LRP2: variants seen among roughly 807,000 people sequenced by gnomAD.
LRP2 encodes low-density lipoprotein receptor-related protein 2.
A neutral mutation model predicts 531.0 loss-of-function variants in LRP2; 172 were observed. The observed-to-expected ratio is 0.32, with a 90% CI of 0.29 to 0.37. LRP2 has a LOEUF of 0.37. Ranked by LOEUF, LRP2 falls within the 10% of genes least tolerant of loss-of-function variation. LRP2 has a pLI of 1.00. For missense variants in LRP2, 5,167 were observed against 5,868.3 expected (o/e 0.88, Z 3.90); for synonymous variants, 1,992 against 2,027.6 (o/e 0.98, Z 0.47).
Position 169,132,561 on chromosome 2 carries a change from C to A in LRP2, c.13728+13G>T. On this transcript the variant is annotated intron_variant, in intron 77 of 78. Transcript: ENST00000649046. Reference sequence around the variant, plus strand: ...CCAAATCCCACATTATTTCAGGAGTCGGCAACTGTTACCTGAGTTCCATCA... The same window carrying A: ...CCAAATCCCACATTATTTCAGGAGTAGGCAACTGTTACCTGAGTTCCATCA... The A allele has an allele frequency of 6.7e-7, 1 of 1,491,988 alleles. No individual in the cohort carries two copies. Among genetic ancestry groups the A allele is most frequent in the South Asian group, 1.1e-5 (1 of 88,582 alleles). 92.4% of individuals were successfully genotyped at this position (1,491,988 alleles called of 1,614,324 possible). A position where few individuals can be genotyped will look rare whatever the true frequency, so the allele number is the denominator to read the frequency against.
intron 16 of LRP2, among the ~76,000 whole-genome samples, chr2:169,260,036 G>A (rs1690483704): frequency 6.6e-6 from 1 of 152,064 alleles, no homozygotes; most frequent in Non-Finnish European, 1.5e-5. Flanking sequence ...GGCAGAAACT[G>A]GACCAAGTAT....
At chr2:169,271,899 A>G (rs1324399790) in intron 15 of LRP2, 1 of 152,950 alleles carries the variant, frequency 6.5e-6, no homozygotes, top group African/African-American at 2.4e-5. Context: ...GTTTAACAGC[A>G]AAGAGGAGAC....
chr2:169,235,430 G>A (rs183003537), intron 29 of LRP2, among the ~76,000 whole-genome samples: 30 of 151,926 alleles, frequency 2.0e-4, no homozygotes, highest in Non-Finnish European at 4.0e-4. Context: ...GTAGAGATGA[G>A]GTTTCACCAT....
intron 29 of LRP2, among the ~76,000 whole-genome samples, chr2:169,233,790 ACAT>A (rs1178233178): frequency 6.6e-6 from 1 of 152,262 alleles, no homozygotes; most frequent in Non-Finnish European, 1.5e-5. Flanking sequence ...AGAGCCTTTC[ACAT>A]ACACGTGCCA....
At chr2:169,182,081 T>C in intron 51 of LRP2, 86 bp downstream of exon 51, 1 of 1,557,752 alleles carries the variant, frequency 6.4e-7, no homozygotes, top group Non-Finnish European at 8.8e-7. Flanking sequence ...ACATTGGCCT[T>C]GAGATAGTTA....
rs376767025 is a variant in LRP2, at chr2:169,133,827, A to G, written c.13621-1146T>C. The stretch of plus-strand genomic sequence containing the variant: ...TCTTTACTATTCCTTTGCACCCGTC[A>G]TCCCAGCCTCTCTTCACTTTCACTT... On this transcript the variant is annotated intron_variant, in intron 76 of 78. Transcript: ENST00000649046. 4.5e-4 allele frequency among the ~76,000 whole-genome samples: 69 copies of G among 152,302 alleles called. 1 individual carries two copies. In the East Asian group the frequency reaches 7.5e-3, roughly 17 times the overall value.
At chr2:169,171,542 C>T (rs1330081864) in intron 58 of LRP2, among the ~76,000 whole-genome samples, 1 of 152,138 alleles carries the variant, frequency 6.6e-6, no homozygotes, top group East Asian at 1.9e-4. Context: ...GTCAACTATT[C>T]TAGGAAGGGT....
intron 24 of LRP2, among the ~76,000 whole-genome samples, chr2:169,241,717 A>G (rs1163094537): frequency 2.0e-5 from 3 of 152,232 alleles, no homozygotes; most frequent in African/African-American, 7.2e-5. Flanking sequence ...TCTATGAAAG[A>G]ATCACCAGAA....
chr2:169,260,363 G>A (rs1346127709), intron 16 of LRP2, among the ~76,000 whole-genome samples: 1 of 152,092 alleles, frequency 6.6e-6, no homozygotes, highest in Non-Finnish European at 1.5e-5. Context: ...AACTCTACAT[G>A]TTCTAGGAGT....
At chr2:169,182,600 A>G (rs1032999163) in intron 50 of LRP2, 2 of 1,313,112 alleles carry the variant, frequency 1.5e-6, no homozygotes, top group Non-Finnish European at 2.0e-6. Flanking sequence ...TACTTTCCTC[A>G]TGCAGCATAA....
chr2:169,321,069 A>C (rs2105516643), intron 1 of LRP2, among the ~76,000 whole-genome samples, 185 bp from the exon 2 acceptor site: 1 of 152,378 alleles, frequency 6.6e-6, no homozygotes, highest in South Asian at 2.1e-4. Context: ...ATCCGTGGGA[A>C]GAAAGTGATT....
chr2:169,222,219 C>T (rs1689044217), intron 33 of LRP2, among the ~76,000 whole-genome samples: 1 of 152,122 alleles, frequency 6.6e-6, no homozygotes, highest in Non-Finnish European at 1.5e-5. Flanking sequence ...TCATTATTCT[C>T]ACAGGTCTTT....
chr2:169,220,551 G>A lies in LRP2; in HGVS notation c.5551C>T (p.His1851Tyr). 1.2e-6 allele frequency: 2 copies of A among 1,610,882 alleles called. No individual in the cohort carries two copies. Among genetic ancestry groups the A allele is most frequent in the Non-Finnish European group, 8.5e-7 (1 of 1,177,606 alleles). The change falls in exon 34 of 79, where the codon CAC (histidine) becomes TAC (tyrosine). Residue 1851 changes from histidine to tyrosine, a missense_variant. This residue lies in a region of LRP2 where 2,811 missense variants were observed against 3,058.0 expected (regional missense o/e 0.92). Coordinates refer to ENST00000649046, the MANE Select transcript of LRP2 (RefSeq NM_004525.3). ...GTTTTTCTGTATCTGATATCTCCGT[G>A]GAGTGTCAAAACCTATAGCATAAAA... is the stretch of plus-strand genomic sequence containing the variant. ...RTQSIEVLTL[H>Y]GDIRYRKTLI...
intron 3 of LRP2, among the ~76,000 whole-genome samples, chr2:169,307,699 G>A (rs1478820024): frequency 1.3e-5 from 2 of 152,124 alleles, no homozygotes; most frequent in Non-Finnish European, 2.9e-5. Context: ...AATTTTGCAA[G>A]TATAGGTATT....
chr2:169,326,086 T>C (rs932992025), intron 1 of LRP2, among the ~76,000 whole-genome samples: 15 of 149,150 alleles, frequency 1.0e-4, no homozygotes, highest in African/African-American at 3.3e-4. Context: ...TGTCCTAGGA[T>C]CAGTGGAAGA....
Position 169,231,715 on chromosome 2 carries a change from T to A in LRP2, c.5226A>T (p.Arg1742Ser). Residue 1742 changes from arginine (R) to serine (S), a missense_variant and splice_region_variant, in exon 31 of 79, where the codon AGA (arginine) becomes AGT (serine). Physicochemically the swap from Arg to Ser is moderately radical, Grantham distance 110. This residue lies in a region of LRP2 where 2,811 missense variants were observed against 3,058.0 expected (regional missense o/e 0.92). Coordinates refer to ENST00000649046, the MANE Select transcript of LRP2 (RefSeq NM_004525.3). Reference protein sequence around the residue: ...SLSPDLLNCLRDDQPFLITVR... With the variant: ...SLSPDLLNCLSDDQPFLITVR... ...GCTCACATAAGGAGCATACTATACC[T>A]CTCAAGCAATTCAGGAGATCAGGAG... 6.2e-7 allele frequency: 1 copy of A among 1,613,808 alleles called. No individual in the cohort carries two copies. The highest frequency in any genetic ancestry group is 8.5e-7 in the Non-Finnish European group (1 of 1,179,918).
At chr2:169,215,786 A>ATTCTATATATG (rs200749161) in intron 35 of LRP2, among the ~76,000 whole-genome samples, 46 of 147,822 alleles carry the variant, frequency 3.1e-4, no homozygotes, top group African/African-American at 1.0e-3. Flanking sequence ...TCATATATAG[A>ATTCTATATATG]ATCTATATAG....
intron 76 of LRP2, among the ~76,000 whole-genome samples, chr2:169,133,638 A>T (rs1685371931): frequency 6.6e-6 from 1 of 152,204 alleles, no homozygotes; most frequent in Non-Finnish European, 1.5e-5. Context: ...CACTAAGGCC[A>T]TAGTTGTTGT....
At chr2:169,284,625 C>G (rs1683802853) in intron 9 of LRP2, among the ~76,000 whole-genome samples, 2 of 152,024 alleles carry the variant, frequency 1.3e-5, no homozygotes, top group African/African-American at 2.4e-5. Context: ...ACAACATGAG[C>G]CAGCATATCT....
Sources: allele counts gnomAD v4.1 joint callset (sites outside exome capture counted in the v4.1 genomes callset), GRCh38; gene constraint gnomAD v4.1.1; regional missense constraint gnomAD v4.1.1; transcripts MANE v1.5; gene names NCBI Gene and HGNC (gene_info 2026-07-23, HGNC 2026-07-21).